Variants in KCNQ1 observed in about 807,000 individuals in gnomAD.
KCNQ1 encodes the protein potassium voltage-gated channel subfamily KQT member 1.
Under a neutral mutation model 72.4 loss-of-function variants are expected in KCNQ1, and 49 were observed. The observed-to-expected ratio is 0.68, with a 90% CI of 0.54 to 0.86. The LOEUF (loss-of-function observed/expected upper bound fraction) is 0.86, where lower values mean the gene tolerates loss of function less well. KCNQ1 is among the 40% of genes least tolerant of loss of function. KCNQ1 has a pLI of 0.00. For missense variants in KCNQ1, 790 were observed against 945.1 expected (o/e 0.84, Z 2.15); for synonymous variants, 450 against 412.6 (o/e 1.09, Z -1.10).
At chr11:2,605,387 A>G (rs529642487) in intron 10 of KCNQ1, among the ~76,000 whole-genome samples, 13 of 152,296 alleles carry the variant, frequency 8.5e-5, no homozygotes, top group Admixed American at 2.0e-4. Flanking sequence ...ATAAAGATTT[A>G]CCCTTATGTT....
At position 2,592,380 on chromosome 11, in the gene KCNQ1, AAC is replaced by A. The variant is rs1280945613; in HGVS notation, c.1393+3530_1393+3531del. On this transcript the variant is annotated intron_variant, in intron 10 of 15. Transcript: ENST00000155840. The surrounding 1 kb of genome is among the most constrained non-coding windows in gnomAD (Gnocchi z 5.2). The stretch of plus-strand genomic sequence containing the variant: ...AGAAGGTCCCCCATGGTAGCATCAG[AAC>A]ACAGACTAACCTGCAGCAAAAATGG... Among the ~76,000 whole-genome samples the A allele has an allele frequency of 6.6e-6, 1 of 152,142 alleles. No homozygotes were observed. Among genetic ancestry groups the A allele is most frequent in the African/African-American group, 2.4e-5 (1 of 41,432 alleles).
At chr11:2,660,093 T>A in intron 10 of KCNQ1, 1 of 393,272 alleles carries the variant, frequency 2.5e-6, no homozygotes, top group Non-Finnish European at 4.5e-6. Flanking sequence ...AAACTTTTGG[T>A]TTCGTATTTC....
chr11:2,741,359 T>C (rs1846047269), intron 11 of KCNQ1, among the ~76,000 whole-genome samples: 1 of 152,184 alleles, frequency 6.6e-6, no homozygotes, highest in Non-Finnish European at 1.5e-5. Flanking sequence ...CAGCAGGCAT[T>C]GGGGCCCTGG....
chr11:2,580,723 T>C (rs1188544423), intron 6 of KCNQ1, among the ~76,000 whole-genome samples: 4 of 152,184 alleles, frequency 2.6e-5, no homozygotes, highest in African/African-American at 4.8e-5. Flanking sequence ...TCAACCCTGC[T>C]TCTCATACCT....
At chr11:2,800,751 G>A (rs1220480067) in intron 15 of KCNQ1, among the ~76,000 whole-genome samples, 1 of 152,190 alleles carries the variant, frequency 6.6e-6, no homozygotes, top group East Asian at 1.9e-4. Context: ...GGACATGCTT[G>A]CGGGGGTTCA....
rs750950403 is a variant in KCNQ1, at chr11:2,612,721, A to C, written c.1393+23867A>C. The C allele has an allele frequency of 8.0e-5, 32 of 398,382 alleles. No homozygotes were observed. Among genetic ancestry groups the C allele is most frequent in the Non-Finnish European group, 1.2e-4 (27 of 226,046 alleles). 24.7% of individuals were successfully genotyped at this position (398,382 alleles called of 1,614,324 possible). A position where few individuals can be genotyped will look rare whatever the true frequency, so the allele number is the denominator to read the frequency against. ...ACTTACTTTGAAATCGCGCCCTAAC[A>C]TTTGGGGCCCTTCAGAGATAATTCC... On this transcript the variant is annotated intron_variant, in intron 10 of 15. Transcript: ENST00000155840. The surrounding 1 kb of genome is among the most constrained non-coding windows in gnomAD (Gnocchi z 5.5).
chr11:2,722,379 C>T (rs1478794768), intron 11 of KCNQ1, among the ~76,000 whole-genome samples: 1 of 152,174 alleles, frequency 6.6e-6, no homozygotes, highest in East Asian at 1.9e-4. Flanking sequence ...ATCCTGGGAG[C>T]TGAGTGCTGG....
intron 15 of KCNQ1, among the ~76,000 whole-genome samples, chr11:2,833,285 A>T (rs973673913): frequency 1.3e-5 from 2 of 152,114 alleles, no homozygotes; most frequent in Non-Finnish European, 2.9e-5. Context: ...ACTTCTGGAC[A>T]CAATGGCAGA....
chr11:2,543,442 T>TTA lies in KCNQ1; in HGVS notation c.477+15425_477+15426insAT, dbSNP rs1016553856. On this transcript the variant is annotated intron_variant, in intron 2 of 15. Coordinates refer to ENST00000155840, the MANE Select transcript of KCNQ1 (RefSeq NM_000218.3). This position sits in a 1 kb window ranked among gnomAD's most constrained non-coding sequence, Gnocchi z 5.6. The stretch of plus-strand genomic sequence containing the variant: ...GCATGTGCCACCACAGGTGCTAACT[T>TTA]TTTAAAGTTCTTGTACAGACAGGGT... 6.6e-5 allele frequency among the ~76,000 whole-genome samples: 10 copies of TTA among 152,128 alleles called. No individual in the cohort carries two copies. Among genetic ancestry groups the TTA allele is most frequent in the African/African-American group, 2.2e-4 (9 of 41,420 alleles).
rs1180055828 is a variant in KCNQ1, at chr11:2,813,114, C to T, written c.1795-34653C>T. On this transcript the variant is annotated intron_variant, in intron 15 of 15. Transcript: ENST00000155840. The surrounding 1 kb of genome is among the most constrained non-coding windows in gnomAD (Gnocchi z 4.4). ...TCCTGTGAGAACCCTGTGCCTAGAACGGAGCCTGGTACAGAGGAAGAACCC... is the reference window on the plus strand; with the variant it reads ...TCCTGTGAGAACCCTGTGCCTAGAATGGAGCCTGGTACAGAGGAAGAACCC... Among the ~76,000 whole-genome samples, 3 of 152,244 alleles carry T rather than the reference C, an allele frequency of 2.0e-5. No individual in the cohort carries two copies. The highest frequency in any genetic ancestry group is 7.2e-5 in the African/African-American group (3 of 41,464).
At position 2,626,355 on chromosome 11, in the gene KCNQ1, A is replaced by G. The variant is rs1849262283; in HGVS notation, c.1394-35606A>G. 2.5e-6 allele frequency: 1 copy of G among 398,582 alleles called. No individual in the cohort carries two copies. Among genetic ancestry groups the G allele is most frequent in the Non-Finnish European group, 4.4e-6 (1 of 226,080 alleles). The allele number at this position is 398,582 out of a possible 1,614,324, so 24.7% of individuals were successfully genotyped here. On this transcript the variant is annotated intron_variant, in intron 10 of 15. Transcript: ENST00000155840. This position sits in a 1 kb window ranked among gnomAD's most constrained non-coding sequence, Gnocchi z 4.0. ...GGGTCTCAACTTCAGTTATCCTGGC[A>G]CCATTTGTTGAAAATACAGCACTTT...
At chr11:2,666,831 G>A (rs1022025498) in intron 11 of KCNQ1, 3 of 398,564 alleles carry the variant, frequency 7.5e-6, no homozygotes, top group Non-Finnish European at 1.3e-5. Flanking sequence ...GGACATTCTG[G>A]GAACCAGTGT....
chr11:2,765,430 T>C (rs1846479678), intron 11 of KCNQ1, among the ~76,000 whole-genome samples: 1 of 152,208 alleles, frequency 6.6e-6, no homozygotes, highest in South Asian at 2.1e-4. Flanking sequence ...TCTCTTTTGG[T>C]ACATGTTCTG....
chr11:2,827,275 A>C lies in KCNQ1; in HGVS notation c.1795-20492A>C, dbSNP rs114164938. ...AACTTTGCCACCCGCAGGGTCCCAG[A>C]GTAGCAGAAGCTTCAGGGCTGATGT... On this transcript the variant is annotated intron_variant, in intron 15 of 15. Transcript: ENST00000155840. This position sits in a 1 kb window ranked among gnomAD's most constrained non-coding sequence, Gnocchi z 6.7. Among the ~76,000 whole-genome samples the C allele has an allele frequency of 8.9e-3, 1,361 of 152,100 alleles. 26 individuals carry two copies. The highest frequency in any genetic ancestry group is 0.031 in the African/African-American group (1,291 of 41,482).
chr11:2,512,186 C>T (rs1353564596), intron 1 of KCNQ1, among the ~76,000 whole-genome samples: 1 of 152,198 alleles, frequency 6.6e-6, no homozygotes, highest in African/African-American at 2.4e-5. Context: ...TCGCTGAGCA[C>T]TTGGCCTGCC....
intron 11 of KCNQ1, among the ~76,000 whole-genome samples, chr11:2,736,195 T>A (rs967601162): frequency 1.3e-5 from 2 of 152,126 alleles, no homozygotes; most frequent in African/African-American, 4.8e-5. Context: ...TGCTCCCAAA[T>A]CTGAAGGAAG....
chr11:2,752,293 C>T lies in KCNQ1; in HGVS notation c.1515-16551C>T, dbSNP rs1194321262. Among the ~76,000 whole-genome samples, 1 of 152,002 alleles carries T rather than the reference C, an allele frequency of 6.6e-6. No homozygotes were observed. Among genetic ancestry groups the T allele is most frequent in the Admixed American group, 6.5e-5 (1 of 15,272 alleles). On this transcript the variant is annotated intron_variant, in intron 11 of 15. Coordinates refer to ENST00000155840, the MANE Select transcript of KCNQ1 (RefSeq NM_000218.3). This position sits in a 1 kb window ranked among gnomAD's most constrained non-coding sequence, Gnocchi z 5.2. ...AGCTGATCTGAACCCAGCTGAGTGGCTTCCATGGAGCTGATCTGAACCCAG... is the reference window on the plus strand; with the variant it reads ...AGCTGATCTGAACCCAGCTGAGTGGTTTCCATGGAGCTGATCTGAACCCAG...
rs369097740 is a variant in KCNQ1 at position 2,721,746 on chromosome 11, G to T, written c.1515-47098G>T. 2.8e-3 allele frequency among the ~76,000 whole-genome samples: 424 copies of T among 152,282 alleles called. 1 individual carries two copies. Among genetic ancestry groups the T allele is most frequent in the African/African-American group, 6.9e-3 (285 of 41,572 alleles). On this transcript the variant is annotated intron_variant, in intron 11 of 15. Transcript: ENST00000155840. ...CTCTTCCGACAGCAGCGGTGGTGAT[G>T]GTCCCCTCGGCCTGCCTGGCCTGCA...
rs369596322 is a variant in KCNQ1, at chr11:2,768,676, C to T, written c.1515-168C>T. Reference sequence around the variant, plus strand: ...AAGCCTCTTGCCCCCAGCCTCCCCTCGAGCCCACACTGGGACATGGCCTAA... The same window carrying T: ...AAGCCTCTTGCCCCCAGCCTCCCCTTGAGCCCACACTGGGACATGGCCTAA... On this transcript the variant is annotated intron_variant, in intron 11 of 15. Coordinates refer to ENST00000155840, the MANE Select transcript of KCNQ1 (RefSeq NM_000218.3). The surrounding 1 kb of genome is among the most constrained non-coding windows in gnomAD (Gnocchi z 6.7). Among the ~76,000 whole-genome samples the T allele has an allele frequency of 7.2e-5, 11 of 152,052 alleles. No individual in the cohort carries two copies. The highest frequency in any genetic ancestry group is 3.9e-4 in the East Asian group (2 of 5,162).
Sources: allele counts gnomAD v4.1 joint callset (sites outside exome capture counted in the v4.1 genomes callset), GRCh38; gene constraint gnomAD v4.1.1; non-coding constraint Gnocchi (gnomAD v3.1); transcripts MANE v1.5; gene names NCBI Gene and HGNC (gene_info 2026-07-23, HGNC 2026-07-21).